DAB1: variants seen among roughly 807,000 people sequenced by gnomAD.
DAB1 encodes disabled homolog 1.
DAB1 carries 15 observed loss-of-function variants against 64.6 expected under a neutral mutation model. The ratio of observed to expected loss-of-function variants is 0.23; its 90% CI spans 0.16 to 0.36. The LOEUF (loss-of-function observed/expected upper bound fraction) is 0.36. Among genes scored for constraint, DAB1 ranks in the 10% least tolerant of loss-of-function variants. The pLI, the probability that DAB1 is intolerant of heterozygous loss-of-function variation, is 1.00. For synonymous variants in DAB1, 235 were observed against 251.9 expected (o/e 0.93, Z 0.64); for missense variants, 596 against 706.7 (o/e 0.84, Z 1.78).
At chr1:57,562,327 C>T (rs941831423) in intron 7 of DAB1, among the ~76,000 whole-genome samples, 1 of 152,270 alleles carries the variant, frequency 6.6e-6, no homozygotes, top group East Asian at 1.9e-4. Flanking sequence ...GAGCTGAGAT[C>T]GTGCCACTGC....
chr1:57,958,044 G>A (rs1645432847), intron 5 of DAB1, among the ~76,000 whole-genome samples: 1 of 151,748 alleles, frequency 6.6e-6, no homozygotes, highest in South Asian at 2.1e-4. Flanking sequence ...GAGTGCAGTA[G>A]CATGATCTCA....
At chr1:58,405,000 C>T (rs560040354) in intron 3 of DAB1, among the ~76,000 whole-genome samples, 1 of 152,174 alleles carries the variant, frequency 6.6e-6, no homozygotes, top group Non-Finnish European at 1.5e-5. Flanking sequence ...GCATCCTAAT[C>T]CCCTGTGGTC....
At chr1:57,726,621 CTT>C (rs1408206276) in intron 6 of DAB1, among the ~76,000 whole-genome samples, 3 of 152,206 alleles carry the variant, frequency 2.0e-5, no homozygotes, top group African/African-American at 7.2e-5. Context: ...GTTCTAAACA[CTT>C]TATATACTTA....
intron 5 of DAB1, among the ~76,000 whole-genome samples, chr1:58,001,831 G>T (rs1175909401): frequency 6.6e-6 from 1 of 152,142 alleles, no homozygotes; most frequent in African/African-American, 2.4e-5. Context: ...GTACATTAAG[G>T]ATGTTGAGAT....
chr1:57,333,803 C>G (rs1010299419), intron 1 of DAB1, among the ~76,000 whole-genome samples: 2 of 152,142 alleles, frequency 1.3e-5, no homozygotes, highest in African/African-American at 4.8e-5. Context: ...AATGTTTGTT[C>G]TTATTATAAT....
intron 10 of DAB1, among the ~76,000 whole-genome samples, chr1:57,025,203 CT>C (rs1179588353): frequency 3.0e-4 from 45 of 152,336 alleles, no homozygotes; most frequent in African/African-American, 1.1e-3. Flanking sequence ...CATCTCGGCT[CT>C]TTTCTTTGCA....
At chr1:57,368,196 C>A (rs12566690) in intron 1 of DAB1, among the ~76,000 whole-genome samples, 1 of 152,074 alleles carries the variant, frequency 6.6e-6, no homozygotes, top group African/African-American at 2.4e-5. Flanking sequence ...AGAGGGAAGC[C>A]GAAATGGGGC....
At chr1:58,094,121 G>A (rs1650848268) in intron 5 of DAB1, among the ~76,000 whole-genome samples, 1 of 152,136 alleles carries the variant, frequency 6.6e-6, no homozygotes, top group East Asian at 1.9e-4. Flanking sequence ...GCCTACTGGG[G>A]TGCAGCTCCC....
Position 58,117,804 on chromosome 1 carries a change from CA to C in DAB1, n.387+32706del, listed in dbSNP as rs372624803. 3.3e-3 allele frequency among the ~76,000 whole-genome samples: 499 copies of C among 151,196 alleles called. 1 individual carries two copies. Among genetic ancestry groups the C allele is most frequent in the African/African-American group, 0.011 (441 of 41,186 alleles). On this transcript the variant is annotated intron_variant and non_coding_transcript_variant, in intron 5 of 20. Coordinates refer to the DAB1 transcript ENST00000485760. ...AGCCATGCTTCACTGTGTGCTTCAA[CA>C]TCTGAGGCTGACCCTAAAGACCAGA...
chr1:57,447,581 C>T (rs1047230391), intron 7 of DAB1, among the ~76,000 whole-genome samples: 4 of 152,178 alleles, frequency 2.6e-5, no homozygotes, highest in Non-Finnish European at 5.9e-5. Context: ...AATGAAGATC[C>T]AAATTCCCAG....
intron 3 of DAB1, among the ~76,000 whole-genome samples, chr1:58,452,860 A>G (rs996480947): frequency 1.3e-5 from 2 of 151,862 alleles, no homozygotes; most frequent in Non-Finnish European, 2.9e-5. Flanking sequence ...AAAACAAAAA[A>G]AAAACAAAGC....
intron 7 of DAB1, among the ~76,000 whole-genome samples, chr1:57,438,770 T>C (rs1414980337): frequency 2.0e-5 from 3 of 152,194 alleles, no homozygotes. Flanking sequence ...ACTATTTCCA[T>C]CTTTGTGGAA....
intron 6 of DAB1, among the ~76,000 whole-genome samples, chr1:57,733,452 G>GA (rs1647531995): frequency 6.6e-6 from 1 of 151,890 alleles, no homozygotes; most frequent in Non-Finnish European, 1.5e-5. Flanking sequence ...TTCCATATAT[G>GA]AAAGAATGAA....
chr1:57,043,971 T>C (rs1020346442), intron 9 of DAB1, among the ~76,000 whole-genome samples: 8 of 152,152 alleles, frequency 5.3e-5, no homozygotes, highest in Admixed American at 2.0e-4. Flanking sequence ...CCTCCACCAT[T>C]CTCCCCTTTC....
At chr1:57,055,782 A>C (rs1649688924) in intron 9 of DAB1, among the ~76,000 whole-genome samples, 1 of 151,042 alleles carries the variant, frequency 6.6e-6, no homozygotes. Flanking sequence ...TCATGCATAC[A>C]TTTTTTTTTC....
At chr1:57,516,611 C>T (rs1644466683) in intron 7 of DAB1, among the ~76,000 whole-genome samples, 2 of 152,272 alleles carry the variant, frequency 1.3e-5, no homozygotes, top group South Asian at 2.1e-4. Context: ...CTAACGCCTG[C>T]CAATTTCCTA....
intron 5 of DAB1, among the ~76,000 whole-genome samples, chr1:58,022,168 A>C (rs543951224): frequency 6.6e-6 from 1 of 152,264 alleles, no homozygotes; most frequent in East Asian, 1.9e-4. Context: ...GCTGCTCTTA[A>C]CTTTTCCCCA....
intron 1 of DAB1, among the ~76,000 whole-genome samples, chr1:57,365,882 G>A (rs1419632292): frequency 1.3e-5 from 2 of 152,158 alleles, no homozygotes; most frequent in African/African-American, 4.8e-5. Context: ...TATACTGTAA[G>A]CAATGAGAAA....
intron 3 of DAB1, among the ~76,000 whole-genome samples, chr1:57,137,607 A>G (rs1658242065): frequency 6.6e-6 from 1 of 152,230 alleles, no homozygotes; most frequent in African/African-American, 2.4e-5. Context: ...CTGACCATGC[A>G]TTAGGGACCT....
Sources: allele counts gnomAD v4.1 joint callset (sites outside exome capture counted in the v4.1 genomes callset), GRCh38; gene constraint gnomAD v4.1.1; transcripts MANE v1.5; gene names NCBI Gene and HGNC (gene_info 2026-07-23, HGNC 2026-07-21).